RBM27: variants seen among roughly 807,000 people sequenced by gnomAD.
The protein encoded by RBM27 is RNA-binding protein 27.
RBM27 carries 22 observed loss-of-function variants against 135.3 expected under a neutral mutation model. The ratio of observed to expected loss-of-function variants is 0.16; its 90% confidence interval spans 0.12 to 0.23. RBM27 has a LOEUF of 0.23. RBM27 is among the 10% of genes least tolerant of loss of function. RBM27 has a pLI of 1.00. For synonymous variants in RBM27, 481 were observed against 442.4 expected, an observed-to-expected ratio of 1.09 and a Z score of -1.10; for missense variants, 1,009 against 1,281.0, an observed-to-expected ratio of 0.79 and a Z score of 3.24.
At chr5:146,219,239 A>G in intron 2 of RBM27, 136 bp downstream of exon 2, 1 of 546,328 alleles carries the variant, frequency 1.8e-6, no homozygotes, top group Non-Finnish European at 3.2e-6. Context: ...ATACCCATTC[A>G]TACTTAATTA....
chr5:146,269,920 TTTG>T (rs1758790656), intron 17 of RBM27, among the ~76,000 whole-genome samples: 2 of 152,062 alleles, frequency 1.3e-5, no homozygotes, highest in African/African-American at 2.4e-5. Context: ...CTGTACCCTT[TTTG>T]GGAAGAGGTT....
chr5:146,252,769 A>T (rs1310099296), intron 9 of RBM27, among the ~76,000 whole-genome samples: 1 of 152,314 alleles, frequency 6.6e-6, no homozygotes, highest in African/African-American at 2.4e-5. Context: ...TGTTAGATTT[A>T]CTTTTAAGCT....
intron 15 of RBM27, among the ~76,000 whole-genome samples, chr5:146,268,833 G>T (rs1199125919): frequency 2.0e-5 from 3 of 152,036 alleles, no homozygotes; most frequent in Non-Finnish European, 4.4e-5. Flanking sequence ...CTCCCAAAAT[G>T]CTAGGATTAC....
intron 1 of RBM27, among the ~76,000 whole-genome samples, chr5:146,210,288 A>C (rs1157636042): frequency 6.6e-6 from 1 of 152,186 alleles, no homozygotes; most frequent in Non-Finnish European, 1.5e-5. Flanking sequence ...AATTTTGTGC[A>C]TGTATTTAGC....
chr5:146,267,521 A>T, intron 14 of RBM27, 128 bp from the exon 15 acceptor site: 1 of 605,428 alleles, frequency 1.7e-6, no homozygotes. Context: ...TGAAATTTTT[A>T]AATGTAAAAA....
At chr5:146,239,407 A>G (rs927699517) in intron 8 of RBM27, among the ~76,000 whole-genome samples, 1 of 141,506 alleles carries the variant, frequency 7.1e-6, no homozygotes, top group African/African-American at 2.7e-5. Context: ...GGTGGCTACC[A>G]TTTCTTTCTG....
intron 12 of RBM27, 135 bp downstream of exon 12, chr5:146,261,033 A>G (rs903632815): frequency 9.7e-6 from 8 of 825,004 alleles, no homozygotes; most frequent in South Asian, 7.3e-5. Context: ...GCCACCATAT[A>G]TCTATATACC....
chr5:146,222,574 C>T (rs1756503321), intron 2 of RBM27, among the ~76,000 whole-genome samples: 1 of 152,136 alleles, frequency 6.6e-6, no homozygotes, highest in South Asian at 2.1e-4. Context: ...ATCCCACCTA[C>T]TCAGGAGGCC....
chr5:146,244,434 T>G (rs1482801245), intron 8 of RBM27, among the ~76,000 whole-genome samples: 3 of 152,214 alleles, frequency 2.0e-5, no homozygotes, highest in Non-Finnish European at 4.4e-5. Flanking sequence ...ATAGACCCTG[T>G]GAAAATAAAT....
rs1759584647 is a variant in RBM27 at position 146,286,443 on chromosome 5, A to T, written c.*413A>T. 6.5e-6 allele frequency: 1 copy of T among 152,752 alleles called. No homozygotes were observed. Among genetic ancestry groups the T allele is most frequent in the Non-Finnish European group, 1.5e-5 (1 of 68,448 alleles). 9.5% of individuals were successfully genotyped at this position (152,752 alleles called of 1,614,324 possible). On this transcript the variant is annotated 3_prime_UTR_variant, in exon 21 of 21. Coordinates refer to ENST00000265271, the MANE Select transcript of RBM27 (RefSeq NM_018989.2). ...AACTCTCAGTTGTTATGGATGGGTC[A>T]TCAGACAGTAGGAAATATTTGTAAT...
At chr5:146,214,722 A>G (rs1756118132) in intron 1 of RBM27, among the ~76,000 whole-genome samples, 1 of 152,196 alleles carries the variant, frequency 6.6e-6, no homozygotes, top group Non-Finnish European at 1.5e-5. Flanking sequence ...TTAGACTTAT[A>G]ATTTTCTTCA....
intron 15 of RBM27, 127 bp downstream of exon 15, chr5:146,267,895 TCTC>T: frequency 1.0e-6 from 1 of 972,072 alleles, no homozygotes; most frequent in South Asian, 1.7e-5. Context: ...TTTAGCTTCT[TCTC>T]TAATGTAAAC....
chr5:146,214,006 T>G lies in RBM27; in HGVS notation c.60-4979T>G, dbSNP rs114128500. The stretch of plus-strand genomic sequence containing the variant: ...TGTTGATTCTTTAAAAGGTAACTGT[T>G]GGTTGATACTTAAGATACATTAATT... On this transcript the variant is annotated intron_variant, in intron 1 of 20. Coordinates refer to ENST00000265271, the MANE Select transcript of RBM27 (RefSeq NM_018989.2). Among the ~76,000 whole-genome samples, 462 of 152,336 alleles carry G rather than the reference T, an allele frequency of 3.0e-3. 4 individuals carry two copies. Among genetic ancestry groups the G allele is most frequent in the African/African-American group, 0.011 (446 of 41,588 alleles).
chr5:146,232,266 A>C lies in RBM27; in HGVS notation c.851-1184A>C, dbSNP rs922042741. ...TTTTACATTTTACTTATTTTAAAGT[A>C]GGGAATAGAGTCAAATTATAATTCA... On this transcript the variant is annotated intron_variant, in intron 6 of 20. Coordinates refer to ENST00000265271, the MANE Select transcript of RBM27 (RefSeq NM_018989.2). Among the ~76,000 whole-genome samples the C allele has an allele frequency of 3.9e-5, 6 of 152,330 alleles. 1 individual carries two copies. Among genetic ancestry groups the C allele is most frequent in the Admixed American group, 3.9e-4 (6 of 15,284 alleles).
chr5:146,245,732 T>C (rs535010012), intron 8 of RBM27, among the ~76,000 whole-genome samples: 3 of 152,266 alleles, frequency 2.0e-5, no homozygotes, highest in African/African-American at 4.8e-5. Context: ...TAAATTATCA[T>C]AGGAGACTCA....
chr5:146,265,858 C>CT (rs778530717), intron 14 of RBM27, among the ~76,000 whole-genome samples: 2 of 152,118 alleles, frequency 1.3e-5, no homozygotes, highest in African/African-American at 2.4e-5. Context: ...ATAGATAAGA[C>CT]TAAGTAAATA....
At chr5:146,231,934 A>G (rs1756951422) in intron 6 of RBM27, among the ~76,000 whole-genome samples, 1 of 152,102 alleles carries the variant, frequency 6.6e-6, no homozygotes, top group Non-Finnish European at 1.5e-5. Context: ...CATTTTTTTG[A>G]GTAGTGTTTG....
intron 9 of RBM27, among the ~76,000 whole-genome samples, chr5:146,254,732 G>A (rs7702123): frequency 0.38 from 57,155 of 151,564 alleles, 11,256 homozygotes; most frequent in African/African-American, 0.48. Flanking sequence ...CCACCACCCT[G>A]TTTTATATCA....
chr5:146,275,387 C>T (rs916487543), intron 19 of RBM27, among the ~76,000 whole-genome samples: 17 of 152,088 alleles, frequency 1.1e-4, no homozygotes, highest in African/African-American at 4.1e-4. Context: ...TCACCTACCT[C>T]AGTCCCTCCA....
Sources: gnomAD v4.1 joint callset for allele counts (sites outside exome capture counted in the v4.1 genomes callset) on GRCh38, gnomAD v4.1.1 for gene constraint, MANE v1.5 for transcripts, NCBI Gene and HGNC (gene_info 2026-07-23, HGNC 2026-07-21) for gene names.